Variants in EYS observed in about 807,000 individuals in gnomAD.
EYS encodes the protein EGF-like photoreceptor maintenance factor.
EYS carries 250 observed loss-of-function variants against 282.1 expected under a neutral mutation model. That is an observed-to-expected ratio of 0.89 (90% CI 0.80 to 0.98). The LOEUF is 0.98. Among genes scored for constraint, EYS ranks in the 50% least tolerant of loss-of-function variants. The pLI, the probability that EYS is intolerant of heterozygous loss-of-function variation, is 0.00. For synonymous variants in EYS, 1,355 were observed against 1,282.9 expected, an observed-to-expected ratio of 1.06 and a Z score of -1.20; for missense variants, 4,016 against 3,709.0, an observed-to-expected ratio of 1.08 and a Z score of -2.15.
intron 13 of EYS, among the ~76,000 whole-genome samples, chr6:65,032,420 G>T (rs573031993): frequency 6.6e-6 from 1 of 152,290 alleles, no homozygotes; most frequent in African/African-American, 2.4e-5. Flanking sequence ...GATCATGGGG[G>T]CAGGTCCCTC....
At chr6:64,552,715 C>T (rs1349585848) in intron 26 of EYS, among the ~76,000 whole-genome samples, 1 of 151,894 alleles carries the variant, frequency 6.6e-6, no homozygotes, top group African/African-American at 2.4e-5. Context: ...GAGTTTGAGG[C>T]CAGCCTGGCC....
At chr6:64,051,035 T>C (rs1446510182) in intron 33 of EYS, among the ~76,000 whole-genome samples, 1 of 152,204 alleles carries the variant, frequency 6.6e-6, no homozygotes, top group Non-Finnish European at 1.5e-5. Context: ...GATTATCTGG[T>C]AGCTGATACG....
At chr6:64,642,847 G>A (rs1480122223) in intron 22 of EYS, among the ~76,000 whole-genome samples, 2 of 152,216 alleles carry the variant, frequency 1.3e-5, no homozygotes, top group African/African-American at 2.4e-5. Context: ...CAGGTGCGGT[G>A]GCTCACGCCT....
intron 22 of EYS, among the ~76,000 whole-genome samples, chr6:64,720,340 C>A (rs2149942593): frequency 6.6e-6 from 1 of 152,260 alleles, no homozygotes; most frequent in African/African-American, 2.4e-5. Flanking sequence ...CAGTTCTACC[C>A]AGATTATCCA....
At chr6:64,557,697 T>C (rs1002463873) in intron 26 of EYS, among the ~76,000 whole-genome samples, 2 of 152,202 alleles carry the variant, frequency 1.3e-5, no homozygotes, top group African/African-American at 2.4e-5. Flanking sequence ...CGGTAAATTA[T>C]ATAAATTTGA....
At chr6:65,443,328 A>G (rs989405933) in intron 5 of EYS, among the ~76,000 whole-genome samples, 1 of 132,130 alleles carries the variant, frequency 7.6e-6, no homozygotes, top group East Asian at 2.8e-4. Flanking sequence ...ACATATATGC[A>G]TACATGTATG....
chr6:64,241,974 T>C (rs149109881), intron 30 of EYS, among the ~76,000 whole-genome samples: 33 of 152,312 alleles, frequency 2.2e-4, no homozygotes, highest in African/African-American at 6.7e-4. Context: ...TTGTGTGGTT[T>C]TGAGTGAGTT....
At chr6:65,701,493 C>T (rs1395819232) in intron 1 of EYS, among the ~76,000 whole-genome samples, 1 of 152,156 alleles carries the variant, frequency 6.6e-6, no homozygotes, top group Admixed American at 6.6e-5. Context: ...TATTTTAAAA[C>T]AACTGACCAA....
chr6:65,632,809 C>T (rs1294374276), intron 2 of EYS, among the ~76,000 whole-genome samples: 1 of 152,078 alleles, frequency 6.6e-6, no homozygotes, highest in East Asian at 1.9e-4. Context: ...TCTTATGATA[C>T]CTAGTTTAAC....
intron 2 of EYS, among the ~76,000 whole-genome samples, chr6:65,595,060 A>G (rs887160226): frequency 6.6e-6 from 1 of 152,044 alleles, no homozygotes; most frequent in Admixed American, 6.6e-5. Flanking sequence ...TGTTTTGGTT[A>G]GTGTAGCCTT....
At chr6:65,147,259 C>G (rs1156385715) in intron 12 of EYS, among the ~76,000 whole-genome samples, 1 of 151,962 alleles carries the variant, frequency 6.6e-6, no homozygotes, top group Non-Finnish European at 1.5e-5. Context: ...AATATATGTT[C>G]TCCATTTGAG....
intron 22 of EYS, among the ~76,000 whole-genome samples, chr6:64,662,460 C>T (rs1396882251): frequency 6.6e-6 from 1 of 152,088 alleles, no homozygotes; most frequent in African/African-American, 2.4e-5. Context: ...CAAATACTTT[C>T]TGTTCAGAAG....
At chr6:64,736,570 T>A (rs902414364) in intron 22 of EYS, among the ~76,000 whole-genome samples, 1 of 152,330 alleles carries the variant, frequency 6.6e-6, no homozygotes, top group East Asian at 1.9e-4. Context: ...AACTTGTTCC[T>A]CCCTTTGGCC....
At chr6:65,514,389 C>T (rs1767034220) in intron 2 of EYS, among the ~76,000 whole-genome samples, 1 of 152,138 alleles carries the variant, frequency 6.6e-6, no homozygotes, top group African/African-American at 2.4e-5. Flanking sequence ...GATTCAATGC[C>T]ATCCCCATCA....
intron 22 of EYS, among the ~76,000 whole-genome samples, chr6:64,709,770 T>C (rs573439776): frequency 2.0e-5 from 3 of 152,360 alleles, no homozygotes; most frequent in East Asian, 1.9e-4. Flanking sequence ...ATGTAAGCTA[T>C]GCATTAATAT....
At chr6:64,749,009 G>A (rs923683027) in intron 22 of EYS, among the ~76,000 whole-genome samples, 1 of 152,192 alleles carries the variant, frequency 6.6e-6, no homozygotes, top group Non-Finnish European at 1.5e-5. Context: ...CTGACCTCAG[G>A]TGATCCACCC....
Position 64,593,371 on chromosome 6 carries a change from T to G in EYS, c.3685-62A>C. 2.9e-6 allele frequency: 4 copies of G among 1,363,300 alleles called. No individual in the cohort carries two copies. The South Asian group carries it at 5.6e-5, about 19-fold the overall frequency. 84.5% of individuals were successfully genotyped at this position (1,363,300 alleles called of 1,614,324 possible). ...GTTTCTTTGTTCCTAAGAGAAATTGTAAAGTTTGTTTTGAGATCCATTTGC... is the reference window on the plus strand; with the variant it reads ...GTTTCTTTGTTCCTAAGAGAAATTGGAAAGTTTGTTTTGAGATCCATTTGC... On this transcript the variant is annotated intron_variant, in intron 24 of 42. Transcript: ENST00000503581.
chr6:63,901,403 C>T (rs904394390), intron 35 of EYS, among the ~76,000 whole-genome samples: 4 of 152,152 alleles, frequency 2.6e-5, no homozygotes, highest in African/African-American at 9.7e-5. Context: ...ATGAACTATA[C>T]AGACACATGT....
At chr6:65,076,323 T>C (rs1379174317) in intron 12 of EYS, among the ~76,000 whole-genome samples, 1 of 152,014 alleles carries the variant, frequency 6.6e-6, no homozygotes, top group African/African-American at 2.4e-5. Context: ...AAATATCAAA[T>C]TATAAAATAT....
Sources: gnomAD v4.1 joint callset for allele counts (sites outside exome capture counted in the v4.1 genomes callset) on GRCh38, gnomAD v4.1.1 for gene constraint, MANE v1.5 for transcripts, NCBI Gene and HGNC (gene_info 2026-07-23, HGNC 2026-07-21) for gene names.